Variants in KYAT1 observed in about 807,000 individuals in gnomAD.
KYAT1 encodes kynurenine aminotransferase 1, also known as kynurenine--oxoglutarate transaminase 1.
Under a neutral mutation model 52.4 loss-of-function variants are expected in KYAT1, and 47 were observed. That is an observed-to-expected ratio of 0.90 (90% confidence interval 0.71 to 1.14). KYAT1 has a LOEUF of 1.14. Ranked by LOEUF, KYAT1 falls within the 50% of genes most tolerant of loss-of-function variation. KYAT1 has a pLI of 0.00. For synonymous variants in KYAT1, 212 were observed against 209.6 expected, an observed-to-expected ratio of 1.01 and a Z score of -0.10; for missense variants, 480 against 557.9, an observed-to-expected ratio of 0.86 and a Z score of 1.41.
Position 128,835,781 on chromosome 9 carries a change from G to A in KYAT1, c.853C>T (p.Gln285Ter). Residue 285 changes from glutamine to a stop codon, truncating the protein, a stop_gained and splice_region_variant, in exon 9 of 13, where the codon CAG becomes TAG. Coordinates refer to ENST00000302586, the MANE Select transcript of KYAT1 (RefSeq NM_004059.5). LOFTEE classifies it high-confidence loss of function. ...NSVFHCPTQS[Q>*]AAVAESFERE... ...CGTGACGTCCTGCCCCTCTTCACCT[G>A]GCTCTGCGTGGGGCAGTGGAAGACG... 6.2e-7 allele frequency: 1 copy of A among 1,612,424 alleles called. No homozygotes were observed. Among genetic ancestry groups the A allele is most frequent in the Non-Finnish European group, 8.5e-7 (1 of 1,179,218 alleles).
Position 128,835,885 on chromosome 9 carries a change from G to A in KYAT1, c.766-17C>T. On this transcript the variant is annotated splice_polypyrimidine_tract_variant and intron_variant, in intron 8 of 12. Coordinates refer to ENST00000302586, the MANE Select transcript of KYAT1 (RefSeq NM_004059.5). ...CCAGCCCACCTGCAGCAGGGGCGCA[G>A]GTAGGGGGAGAGGTCCTTCCAGACC... 6.2e-7 allele frequency: 1 copy of A among 1,613,584 alleles called. No homozygotes were observed. Among genetic ancestry groups the A allele is most frequent in the Non-Finnish European group, 8.5e-7 (1 of 1,179,476 alleles).
intron 1 of KYAT1, among the ~76,000 whole-genome samples, chr9:128,850,441 T>C (rs1297382364): frequency 2.0e-5 from 3 of 152,206 alleles, no homozygotes; most frequent in African/African-American, 7.2e-5. Flanking sequence ...TCTAGGGCTG[T>C]GCAGGATATG....
chr9:128,867,361 T>A (rs1836546028), intron 1 of KYAT1, among the ~76,000 whole-genome samples: 1 of 152,174 alleles, frequency 6.6e-6, no homozygotes, highest in South Asian at 2.1e-4. Context: ...TTATTTTTAG[T>A]AGAGACAAGG....
At chr9:128,866,474 C>T (rs1355230735) in intron 1 of KYAT1, among the ~76,000 whole-genome samples, 1 of 151,332 alleles carries the variant, frequency 6.6e-6, no homozygotes, top group Non-Finnish European at 1.5e-5. Context: ...TGGCAGGCAC[C>T]TGTAATCCCA....
chr9:128,847,778 A>T, intron 1 of KYAT1: 1 of 399,866 alleles, frequency 2.5e-6, no homozygotes, highest in Non-Finnish European at 4.4e-6. Flanking sequence ...TATACAATAC[A>T]CCCCCCAGCA....
intron 1 of KYAT1, among the ~76,000 whole-genome samples, chr9:128,871,257 G>T (rs961036164): frequency 3.9e-5 from 6 of 152,190 alleles, no homozygotes; most frequent in Non-Finnish European, 1.5e-5. Flanking sequence ...GGTTGAGGCT[G>T]CAGTGAGCCA....
Position 128,837,064 on chromosome 9 carries a change from C to T in KYAT1, c.568-142G>A, listed in dbSNP as rs563207351. 578 of 1,042,724 alleles carry T rather than the reference C, an allele frequency of 5.5e-4. 3 individuals carry two copies. In the African/African-American group the frequency reaches 8.3e-3, roughly 15 times the overall value. The allele number at this position is 1,042,724 out of a possible 1,614,324, so 64.6% of individuals were successfully genotyped here. A position where few individuals can be genotyped will look rare whatever the true frequency, so the allele number is the denominator to read the frequency against. ...ATCCTAGCACTTTGGGAGGCCGAGG[C>T]GGGCGGAACACTGGAGGTCAGGAGT... On this transcript the variant is annotated intron_variant, in intron 6 of 12. Coordinates refer to ENST00000302586, the MANE Select transcript of KYAT1 (RefSeq NM_004059.5).
intron 2 of KYAT1, among the ~76,000 whole-genome samples, chr9:128,843,382 CTTT>C (rs542736022): frequency 2.1e-5 from 3 of 139,826 alleles, no homozygotes; most frequent in Admixed American, 7.2e-5. Context: ...AAGAAATCAT[CTTT>C]TTTTTTTTTT....
At chr9:128,852,126 A>G (rs78606962) in intron 1 of KYAT1, among the ~76,000 whole-genome samples, 1 of 152,346 alleles carries the variant, frequency 6.6e-6, no homozygotes, top group Non-Finnish European at 1.5e-5. Context: ...AACTATTTAA[A>G]AAAGGACATG....
At chr9:128,873,835 A>G (rs1837579362) in intron 1 of KYAT1, among the ~76,000 whole-genome samples, 1 of 151,828 alleles carries the variant, frequency 6.6e-6, no homozygotes. Flanking sequence ...AATCCCAGCT[A>G]CACGGAAGGC....
intron 5 of KYAT1, 47 bp from the exon 6 acceptor site, chr9:128,837,860 T>C (rs746300674): frequency 1.2e-6 from 2 of 1,604,584 alleles, no homozygotes; most frequent in South Asian, 1.1e-5. Context: ...CCACCTGACA[T>C]GCAGGTCTTC....
At chr9:128,869,878 C>T (rs948930321) in intron 1 of KYAT1, among the ~76,000 whole-genome samples, 12 of 151,816 alleles carry the variant, frequency 7.9e-5, no homozygotes, top group East Asian at 7.8e-4. Context: ...CTCAGCCTCC[C>T]GAGTAGCTGG....
At chr9:128,872,194 C>T (rs899991989) in intron 1 of KYAT1, among the ~76,000 whole-genome samples, 19 of 151,652 alleles carry the variant, frequency 1.3e-4, no homozygotes, top group Admixed American at 8.6e-4. Context: ...CCTGTAATCC[C>T]AGCACTTTGG....
Position 128,837,743 on chromosome 9 carries a change from TTGCCGGCCAGCTCCATGGGG to T in KYAT1, c.489_508del (p.Asp163GlufsTer38). 2 of 1,614,078 alleles carry T rather than the reference TTGCCGGCCAGCTCCATGGGG, an allele frequency of 1.2e-6. No individual in the cohort carries two copies. Among genetic ancestry groups the T allele is most frequent in the Non-Finnish European group, 1.7e-6 (2 of 1,179,998 alleles). ...CAGGGCTTTGGTGCGTGATGTGAATTTGCCGGCCAGCTCCATGGGGTCCAGCTGCCAGTTGCTGCTGGAAC... is the reference window on the plus strand; with the variant it reads ...CAGGGCTTTGGTGCGTGATGTGAATTTCCAGCTGCCAGTTGCTGCTGGAAC... On this transcript the variant is annotated frameshift_variant, in exon 6 of 13. Coordinates refer to ENST00000302586, the MANE Select transcript of KYAT1 (RefSeq NM_004059.5). LOFTEE classifies it high-confidence loss of function.
At position 128,838,108 on chromosome 9, in the gene KYAT1, G is replaced by A. The variant is rs1366704358; in HGVS notation, c.381C>T (p.Cys127=). Residue 127 remains cysteine, a synonymous_variant, in exon 5 of 13, where the codon TGC becomes TGT. Transcript: ENST00000302586. ...CTGCCATCATTGTCATGGGCTCGTA[G>A]CAGTCAAAAAAGGGTTCGATGATGA... ...EVIIIEPFFD[C]YEPMTMMAGG... 1 of 1,614,142 alleles carries A rather than the reference G, an allele frequency of 6.2e-7. No individual in the cohort carries two copies. Among genetic ancestry groups the A allele is most frequent in the Admixed American group, 1.7e-5 (1 of 60,018 alleles).
chr9:128,863,753 C>A (rs774751634), intron 1 of KYAT1, among the ~76,000 whole-genome samples: 4 of 152,114 alleles, frequency 2.6e-5, no homozygotes, highest in Non-Finnish European at 5.9e-5. Flanking sequence ...CAGCAGGGGG[C>A]GCAAGGAGCC....
At chr9:128,835,295 A>G (rs1830837720) in intron 11 of KYAT1, 28 bp downstream of exon 11, 14 of 1,596,476 alleles carry the variant, frequency 8.8e-6, no homozygotes, top group Non-Finnish European at 1.1e-5. Context: ...GAAACCATAC[A>G]TGGCTGCCTG....
intron 1 of KYAT1, among the ~76,000 whole-genome samples, chr9:128,873,711 T>C (rs1459951343): frequency 4.7e-5 from 7 of 150,472 alleles, no homozygotes; most frequent in Non-Finnish European, 1.0e-4. Flanking sequence ...ACCCGAGAGA[T>C]AGAGGTTGCA....
At chr9:128,869,616 C>T (rs1836941678) in intron 1 of KYAT1, among the ~76,000 whole-genome samples, 1 of 151,992 alleles carries the variant, frequency 6.6e-6, no homozygotes, top group Non-Finnish European at 1.5e-5. Context: ...ATTTTTATTG[C>T]AGAGATGGGG....
Sources: gnomAD v4.1 joint callset for allele counts (sites outside exome capture counted in the v4.1 genomes callset) on GRCh38, gnomAD v4.1.1 for gene constraint, MANE v1.5 for transcripts, NCBI Gene and HGNC (gene_info 2026-07-23, HGNC 2026-07-21) for gene names.